Variants in LRRC1 observed in about 807,000 individuals in gnomAD.
The protein encoded by LRRC1 is leucine-rich repeat-containing protein 1.
LRRC1 carries 28 observed loss-of-function variants against 69.9 expected under a neutral mutation model. That is an observed-to-expected ratio of 0.40 (90% CI 0.30 to 0.55). LRRC1 has a LOEUF of 0.55. Among genes scored for constraint, LRRC1 ranks in the 20% least tolerant of loss-of-function variants. The pLI is 0.47. For synonymous variants in LRRC1, 236 were observed against 240.2 expected (o/e 0.98, Z 0.16); for missense variants, 498 against 609.0 (o/e 0.82, Z 1.92).
At chr6:53,816,964 G>C (rs990925384) in intron 1 of LRRC1, among the ~76,000 whole-genome samples, 3 of 152,144 alleles carry the variant, frequency 2.0e-5, no homozygotes, top group African/African-American at 4.8e-5. Context: ...ATTCATTTCA[G>C]CTGATATTTT....
intron 1 of LRRC1, among the ~76,000 whole-genome samples, chr6:53,806,005 C>T (rs2127403774): frequency 6.6e-6 from 1 of 152,272 alleles, no homozygotes; most frequent in South Asian, 2.1e-4. Context: ...TTGTTTCATG[C>T]TTCTTAGTCT....
intron 1 of LRRC1, among the ~76,000 whole-genome samples, chr6:53,834,235 G>A (rs1765544066): frequency 6.6e-6 from 1 of 152,072 alleles, no homozygotes; most frequent in South Asian, 2.1e-4. Context: ...TCTAGAAGTT[G>A]ATTCATTCTT....
At chr6:53,847,891 T>A (rs1765998723) in intron 2 of LRRC1, among the ~76,000 whole-genome samples, 2 of 152,204 alleles carry the variant, frequency 1.3e-5, no homozygotes, top group Non-Finnish European at 2.9e-5. Context: ...ACAATTAACC[T>A]TTTTTGTTTG....
intron 11 of LRRC1, among the ~76,000 whole-genome samples, chr6:53,917,434 G>C (rs564548601): frequency 2.0e-5 from 3 of 152,148 alleles, no homozygotes; most frequent in African/African-American, 4.8e-5. Context: ...GAAATATGTT[G>C]ATAAGATTTG....
chr6:53,832,749 C>CAAG (rs1373936877), intron 1 of LRRC1, among the ~76,000 whole-genome samples: 1 of 152,040 alleles, frequency 6.6e-6, no homozygotes, highest in African/African-American at 2.4e-5. Context: ...ACATCAATAC[C>CAAG]AAGAAGTTGA....
In LRRC1 at chr6:53,820,745, A is replaced by G. The variant is rs1170266839; in HGVS notation, c.160-21365A>G. On this transcript the variant is annotated intron_variant, in intron 1 of 13. Coordinates refer to ENST00000370888, the MANE Select transcript of LRRC1 (RefSeq NM_018214.5). ...TGTAATATATGTAATAAGATATAGA[A>G]GTCCCTTAGAAAAGTGGGAACATTT... Among the ~76,000 whole-genome samples, 6 of 152,280 alleles carry G rather than the reference A, an allele frequency of 3.9e-5. No individual in the cohort carries two copies. In the East Asian group the frequency reaches 1.2e-3, roughly 29 times the overall value.
chr6:53,904,419 A>G lies in LRRC1; in HGVS notation c.947A>G (p.Asn316Ser). ...KSIGKLKKLS[N>S]LNADRNKLVS... is the part of the protein sequence containing the mutation. ...ATTGGAAAACTAAAGAAGTTGAGCA[A>G]CTTGAATGCAGACAGAAATAAATTA... Residue 316 changes from asparagine (N) to serine (S), a missense_variant, in exon 10 of 14, where the codon AAC becomes AGC. Asn to Ser is a conservative substitution (Grantham distance 46). This residue lies in a region of LRRC1 where 266 missense variants were observed against 383.9 expected (regional missense o/e 0.69). Coordinates refer to ENST00000370888, the MANE Select transcript of LRRC1 (RefSeq NM_018214.5). 2 of 1,612,372 alleles carry G rather than the reference A, an allele frequency of 1.2e-6. No homozygotes were observed. Among genetic ancestry groups the G allele is most frequent in the Non-Finnish European group, 1.7e-6 (2 of 1,179,252 alleles).
intron 1 of LRRC1, among the ~76,000 whole-genome samples, chr6:53,825,686 AG>A (rs1765235275): frequency 2.0e-5 from 3 of 152,046 alleles, no homozygotes; most frequent in African/African-American, 7.2e-5. Context: ...GTAAACTCTG[AG>A]GGTTAGGCCC....
chr6:53,797,506 A>G (rs751543524), intron 1 of LRRC1, among the ~76,000 whole-genome samples: 1 of 152,084 alleles, frequency 6.6e-6, no homozygotes, highest in South Asian at 2.1e-4. Context: ...TGAGATCTGT[A>G]TAACTTATTA....
rs140052918 is a variant in LRRC1, at chr6:53,879,055, G to A, written c.340G>A (p.Gly114Arg). The part of the protein sequence containing the change: ...CKALQVADFS[G>R]NPLTRLPESF... ...AGCACTGCAGGTAGCTGACTTCAGC[G>A]GAAACCCACTGACTAGGTAAGCTTT... is the stretch of plus-strand genomic sequence containing the variant. Residue 114 changes from glycine (G) to arginine (R), a missense_variant, in exon 3 of 14, where the codon GGA becomes AGA. Transcript: ENST00000370888. The A allele has an allele frequency of 8.9e-5, 143 of 1,612,406 alleles. No individual in the cohort carries two copies. The highest frequency in any genetic ancestry group is 1.6e-4 in the Middle Eastern group (1 of 6,078).
At chr6:53,835,110 T>C (rs913949683) in intron 1 of LRRC1, among the ~76,000 whole-genome samples, 2 of 146,028 alleles carry the variant, frequency 1.4e-5, no homozygotes, top group Non-Finnish European at 3.1e-5. Context: ...TCACATACCA[T>C]ACAATTCACC....
chr6:53,920,498 C>A (rs1218032043), intron 12 of LRRC1, 127 bp from the exon 13 acceptor site: 2 of 909,710 alleles, frequency 2.2e-6, no homozygotes, highest in East Asian at 2.5e-5. Context: ...AACAGAACAC[C>A]CCCCTTATTT....
At chr6:53,883,885 T>C in intron 4 of LRRC1, 1 of 716,636 alleles carries the variant, frequency 1.4e-6, no homozygotes, top group Non-Finnish European at 2.6e-6. Flanking sequence ...TTGCAAAAGT[T>C]CTCTTTCCAG....
intron 1 of LRRC1, among the ~76,000 whole-genome samples, chr6:53,805,927 C>T (rs951478307): frequency 1.3e-5 from 2 of 152,220 alleles, no homozygotes; most frequent in African/African-American, 4.8e-5. Context: ...CTCCGCCTAC[C>T]CCCACCACCT....
intron 1 of LRRC1, 52 bp downstream of exon 1, chr6:53,795,467 C>G: frequency 1.3e-6 from 2 of 1,543,234 alleles, no homozygotes; most frequent in Non-Finnish European, 1.7e-6. Context: ...GCTGTCCCTT[C>G]CGCTCCCATC....
intron 13 of LRRC1, among the ~76,000 whole-genome samples, chr6:53,922,009 A>T (rs1282145113): frequency 6.6e-6 from 1 of 152,230 alleles, no homozygotes; most frequent in Admixed American, 6.5e-5. Flanking sequence ...TTTATGAGCT[A>T]AAGATCATGT....
At chr6:53,909,117 A>G (rs895638336) in intron 10 of LRRC1, among the ~76,000 whole-genome samples, 8 of 151,642 alleles carry the variant, frequency 5.3e-5, no homozygotes, top group Non-Finnish European at 1.0e-4. Flanking sequence ...CTCACATTAT[A>G]CATGGGAGCA....
At chr6:53,802,469 A>G (rs74491179) in intron 1 of LRRC1, among the ~76,000 whole-genome samples, 2,364 of 152,272 alleles carry the variant, frequency 0.016, 59 homozygotes, top group African/African-American at 0.053. Flanking sequence ...CGCCAAATAC[A>G]AAGCATTGTC....
rs780074484 is a variant in LRRC1 at position 53,919,719 on chromosome 6, GA to G, written c.1279+50del. On this transcript the variant is annotated intron_variant, in intron 12 of 13. Coordinates refer to ENST00000370888, the MANE Select transcript of LRRC1 (RefSeq NM_018214.5). ...TTCACAGGGCCACGAGATTGAGTAGGACCTAATGTCTGTCCATAAGGCCTCT... is the reference window on the plus strand; with the variant it reads ...TTCACAGGGCCACGAGATTGAGTAGGCCTAATGTCTGTCCATAAGGCCTCT... 3.9e-5 allele frequency: 60 copies of G among 1,536,048 alleles called. 1 individual carries two copies. The highest frequency in any genetic ancestry group is 1.4e-4 in the African/African-American group (10 of 72,676).
Sources: gnomAD v4.1 joint callset for allele counts (sites outside exome capture counted in the v4.1 genomes callset) on GRCh38, gnomAD v4.1.1 for gene constraint, gnomAD v4.1.1 regional missense constraint, MANE v1.5 for transcripts, NCBI Gene and HGNC (gene_info 2026-07-23, HGNC 2026-07-21) for gene names.